Variants in CABIN1 observed in about 807,000 individuals in gnomAD.
The protein encoded by CABIN1 is calcineurin binding protein 1, also known as calcineurin-binding protein cabin-1.
Under a neutral mutation model 227.7 loss-of-function variants are expected in CABIN1, and 133 were observed. That is an observed-to-expected ratio of 0.58 (90% CI 0.51 to 0.67). The LOEUF is 0.67. Ranked by LOEUF, CABIN1 falls within the 30% of genes least tolerant of loss-of-function variation. CABIN1 has a pLI of 0.00. For synonymous variants in CABIN1, 1,086 were observed against 1,155.1 expected (o/e 0.94, Z 1.21); for missense variants, 2,408 against 2,852.5 (o/e 0.84, Z 3.55).
chr22:24,099,457 G>A (rs2042083679), intron 26 of CABIN1, among the ~76,000 whole-genome samples: 1 of 152,136 alleles, frequency 6.6e-6, no homozygotes, highest in Non-Finnish European at 1.5e-5. Flanking sequence ...GAAGGTTCAT[G>A]TCATTACTCC....
At chr22:24,156,100 G>C in intron 29 of CABIN1, 1 of 411,152 alleles carries the variant, frequency 2.4e-6, no homozygotes, top group South Asian at 7.0e-5. Context: ...GGGGGCGGGG[G>C]CCGGGACTGG....
Position 24,119,715 on chromosome 22 carries a change from C to G in CABIN1, c.4632+17C>G. The G allele has an allele frequency of 1.9e-6, 3 of 1,610,454 alleles. No individual in the cohort carries two copies. The highest frequency in any genetic ancestry group is 2.5e-6 in the Non-Finnish European group (3 of 1,177,112). ...ACCCACCGGGTGAGTGGCTGCCGGGCCAAGGGGGCTTGGATCTTCCCAGGG... is the reference window on the plus strand; with the variant it reads ...ACCCACCGGGTGAGTGGCTGCCGGGGCAAGGGGGCTTGGATCTTCCCAGGG... On this transcript the variant is annotated intron_variant, in intron 28 of 36. Coordinates refer to ENST00000263119, the MANE Select transcript of CABIN1 (RefSeq NM_012295.4).
intron 29 of CABIN1, among the ~76,000 whole-genome samples, chr22:24,149,556 C>T (rs1310517873): frequency 2.6e-5 from 4 of 152,118 alleles, no homozygotes; most frequent in Non-Finnish European, 5.9e-5. Flanking sequence ...ATGAAGGAAT[C>T]GTAGGAATTT....
intron 34 of CABIN1, among the ~76,000 whole-genome samples, chr22:24,175,537 G>A (rs1256905932): frequency 6.6e-6 from 1 of 152,250 alleles, no homozygotes; most frequent in Non-Finnish European, 1.5e-5. Context: ...GGGGACCGAT[G>A]CTGAGTAGTC....
intron 8 of CABIN1, among the ~76,000 whole-genome samples, chr22:24,054,031 C>G (rs577593887): frequency 6.6e-6 from 1 of 152,028 alleles, no homozygotes; most frequent in Non-Finnish European, 1.5e-5. Flanking sequence ...GCCCAAAGGC[C>G]CAGTGGCATG....
intron 11 of CABIN1, 141 bp downstream of exon 11, chr22:24,059,504 C>G: frequency 2.9e-6 from 3 of 1,040,470 alleles, no homozygotes; most frequent in Non-Finnish European, 2.9e-6. Context: ...AGTCTTGGAC[C>G]TAAGCCCTGT....
intron 27 of CABIN1, among the ~76,000 whole-genome samples, chr22:24,117,590 A>G (rs576813085): frequency 6.6e-6 from 1 of 152,236 alleles, no homozygotes; most frequent in East Asian, 1.9e-4. Context: ...AGAAAAGAGA[A>G]TAGCTGTCTC....
intron 8 of CABIN1, among the ~76,000 whole-genome samples, 165 bp from the exon 9 acceptor site, chr22:24,054,708 A>G (rs1342706255): frequency 6.6e-6 from 1 of 152,162 alleles, no homozygotes; most frequent in African/African-American, 2.4e-5. Flanking sequence ...ACAAGATTTC[A>G]TCAGTTGTGC....
intron 10 of CABIN1, 109 bp downstream of exon 10, chr22:24,056,469 T>C (rs2038806853): frequency 9.0e-7 from 1 of 1,105,610 alleles, no homozygotes; most frequent in African/African-American, 1.5e-5. Flanking sequence ...TCTCCTCCTC[T>C]GTGTTCCCAT....
intron 29 of CABIN1, among the ~76,000 whole-genome samples, chr22:24,141,468 C>T (rs1005828281): frequency 1.4e-4 from 21 of 152,322 alleles, no homozygotes; most frequent in African/African-American, 4.8e-4. Flanking sequence ...TCACCTGTGC[C>T]GGGGTCTCCA....
chr22:24,168,727 A>G (rs911957930), intron 33 of CABIN1, among the ~76,000 whole-genome samples: 3 of 152,224 alleles, frequency 2.0e-5, no homozygotes, highest in Non-Finnish European at 2.9e-5. Context: ...CAGTTCAGAC[A>G]TGCTGAGGGG....
chr22:24,042,818 CTGTGTG>C (rs56070926), intron 5 of CABIN1, 80 bp from the exon 6 acceptor site: 17,021 of 684,190 alleles, frequency 0.025, 79 homozygotes, highest in African/African-American at 0.045. Flanking sequence ...AGAGATCTGA[CTGTGTG>C]TGTGTGTGTG....
chr22:24,075,791 T>G (rs1405362356), intron 18 of CABIN1, among the ~76,000 whole-genome samples: 1 of 152,008 alleles, frequency 6.6e-6, no homozygotes, highest in African/African-American at 2.4e-5. Context: ...GCATGTGTAG[T>G]ATGGGTTCCA....
In CABIN1 at chr22:24,067,132, A is replaced by G. The variant is rs1183704929; in HGVS notation, c.2183A>G (p.Glu728Gly). ...GGGTTTGACCGGGCCAAACACCTGG[A>G]GTTTATGACTTCCATTCCTGAGAGG... Reference protein sequence around the residue: ...TSGFDRAKHLEFMTSIPERPA... With the variant: ...TSGFDRAKHLGFMTSIPERPA... Residue 728 changes from glutamate (E) to glycine (G), a missense_variant, in exon 16 of 37, where the codon GAG (glutamate) becomes GGG (glycine). Physicochemically the swap from Glu to Gly is moderately conservative, Grantham distance 98. This residue lies in a region of CABIN1 where 1,045 missense variants were observed against 1,168.4 expected (regional missense o/e 0.89). Transcript: ENST00000263119. 1 of 1,614,192 alleles carries G rather than the reference A, an allele frequency of 6.2e-7. No homozygotes were observed. Among genetic ancestry groups the G allele is most frequent in the Non-Finnish European group, 8.5e-7 (1 of 1,180,040 alleles).
intron 19 of CABIN1, among the ~76,000 whole-genome samples, chr22:24,079,988 A>AT (rs1214549763): frequency 1.3e-5 from 2 of 152,036 alleles, no homozygotes; most frequent in South Asian, 2.1e-4. Flanking sequence ...GAGGTTTGTG[A>AT]TTTTTTGAGG....
chr22:24,024,859 T>C (rs2035971853), intron 1 of CABIN1, among the ~76,000 whole-genome samples: 1 of 152,202 alleles, frequency 6.6e-6, no homozygotes, highest in African/African-American at 2.4e-5. Flanking sequence ...TTAGAATTTC[T>C]GTCTCTTTAG....
chr22:24,112,283 A>G (rs1485921688), intron 26 of CABIN1, among the ~76,000 whole-genome samples: 4 of 152,224 alleles, frequency 2.6e-5, no homozygotes, highest in Non-Finnish European at 5.9e-5. Flanking sequence ...TTAGTAGGGA[A>G]AGTTGAGTTA....
intron 6 of CABIN1, among the ~76,000 whole-genome samples, chr22:24,043,863 GATA>G: frequency 6.6e-6 from 1 of 152,348 alleles, no homozygotes; most frequent in East Asian, 1.9e-4. Context: ...TGTGAATACA[GATA>G]AATTAATGTG....
chr22:24,070,660 G>C, intron 16 of CABIN1, 140 bp from the exon 17 acceptor site: 5 of 1,233,584 alleles, frequency 4.1e-6, no homozygotes, highest in Non-Finnish European at 5.9e-6. Flanking sequence ...GGGCTGCATG[G>C]GGCCTATGTT....
Sources: gnomAD v4.1 joint callset for allele counts (sites outside exome capture counted in the v4.1 genomes callset) on GRCh38, gnomAD v4.1.1 for gene constraint, gnomAD v4.1.1 regional missense constraint, MANE v1.5 for transcripts, NCBI Gene and HGNC (gene_info 2026-07-23, HGNC 2026-07-21) for gene names.